Variants in CECR2 observed in about 807,000 individuals in gnomAD.
The protein encoded by CECR2 is CECR2 histone acetyl-lysine reader.
In CECR2, 30 loss-of-function variants were observed where a neutral mutation model predicts 154.5. The observed-to-expected ratio is 0.19, with a 90% CI of 0.15 to 0.26. The LOEUF (loss-of-function observed/expected upper bound fraction) is 0.26. Ranked by LOEUF, CECR2 falls within the 10% of genes least tolerant of loss-of-function variation. The probability of loss-of-function intolerance (pLI) is 1.00; values close to 1 mark genes in which losing one functional copy is unlikely to be tolerated. For missense variants in CECR2, 1,743 were observed against 1,829.3 expected, an observed-to-expected ratio of 0.95 and a Z score of 0.86; for synonymous variants, 725 against 683.7, an observed-to-expected ratio of 1.06 and a Z score of -0.94.
Position 17,548,962 on chromosome 22 carries a change from C to T in CECR2, c.3675C>T (p.Pro1225=). 1.2e-6 allele frequency: 2 copies of T among 1,613,980 alleles called. No homozygotes were observed. Among genetic ancestry groups the T allele is most frequent in the Non-Finnish European group, 1.7e-6 (2 of 1,179,904 alleles). The part of the protein sequence containing the change: ...PLHPQGSPSG[P]PASQPPPPRS... ...ATCCCCAGGGAAGCCCAAGCGGACCCCCAGCCAGTCAGCCTCCCCCACCAA... is the reference window on the plus strand; with the variant it reads ...ATCCCCAGGGAAGCCCAAGCGGACCTCCAGCCAGTCAGCCTCCCCCACCAA... Residue 1225 remains proline (P), a synonymous_variant, in exon 17 of 19, where the codon CCC becomes CCT. Transcript: ENST00000262608.
chr22:17,537,936 G>GGGGGT, intron 10 of CECR2, among the ~76,000 whole-genome samples: 2 of 151,852 alleles, frequency 1.3e-5, no homozygotes, highest in Non-Finnish European at 2.9e-5. Context: ...GGGGGTTGCA[G>GGGGGT]TGAGCTGAGA....
rs1472234437 is a variant in CECR2, at chr22:17,393,564, G to A, written c.126+23655G>A. Among the ~76,000 whole-genome samples the A allele has an allele frequency of 7.9e-5, 12 of 152,220 alleles. No individual in the cohort carries two copies. The East Asian group carries it at 1.7e-3, about 22-fold the overall frequency. On this transcript the variant is annotated intron_variant, in intron 1 of 18. Transcript: ENST00000262608. Reference sequence around the variant, plus strand: ...TGGAATTGGTGGGTCATACAGTAACGAGGCTTCACCTGTGAACTGCCTGGT... The same window carrying A: ...TGGAATTGGTGGGTCATACAGTAACAAGGCTTCACCTGTGAACTGCCTGGT...
chr22:17,549,708 G>A, intron 17 of CECR2, 144 bp downstream of exon 17: 1 of 671,016 alleles, frequency 1.5e-6, no homozygotes, highest in Non-Finnish European at 2.5e-6. Flanking sequence ...GACCTCCCAG[G>A]CTCAAGGATC....
chr22:17,454,416 T>C (rs2054821205), intron 1 of CECR2, among the ~76,000 whole-genome samples: 1 of 150,866 alleles, frequency 6.6e-6, no homozygotes, highest in East Asian at 2.0e-4. Flanking sequence ...CCATCCTGGC[T>C]AACACAGTGA....
chr22:17,368,378 G>A (rs2063014944), upstream of CECR2, among the ~76,000 whole-genome samples: 1 of 152,168 alleles, frequency 6.6e-6, no homozygotes, highest in Non-Finnish European at 1.5e-5. Flanking sequence ...TATCTGAAAG[G>A]TGGACCACCG....
intron 16 of CECR2, among the ~76,000 whole-genome samples, chr22:17,547,354 C>T (rs560762822): frequency 1.3e-5 from 2 of 151,874 alleles, no homozygotes; most frequent in African/African-American, 2.4e-5. Context: ...CTCAGCCTCC[C>T]GAATAGCTGG....
chr22:17,538,763 T>A, intron 12 of CECR2, 32 bp downstream of exon 12: 1 of 1,535,972 alleles, frequency 6.5e-7, no homozygotes, highest in South Asian at 1.1e-5. Context: ...ATGCCTACTA[T>A]AGTGTGTATA....
At chr22:17,512,573 G>T (rs939254969) in intron 8 of CECR2, among the ~76,000 whole-genome samples, 1 of 151,488 alleles carries the variant, frequency 6.6e-6, no homozygotes, top group Non-Finnish European at 1.5e-5. Flanking sequence ...TGTGGTGGCG[G>T]GCACCTGTAA....
intron 1 of CECR2, among the ~76,000 whole-genome samples, chr22:17,409,162 C>T (rs2054031180): frequency 1.3e-5 from 2 of 151,280 alleles, no homozygotes; most frequent in Non-Finnish European, 2.9e-5. Context: ...GAGACGGAGT[C>T]TCACTCTGTC....
intron 1 of CECR2, among the ~76,000 whole-genome samples, chr22:17,402,752 TTC>T: frequency 1.5e-5 from 2 of 130,462 alleles, no homozygotes; most frequent in Admixed American, 8.4e-5. Flanking sequence ...CTTTCTTTTC[TTC>T]TTTTTTTTTT....
At chr22:17,458,595 A>T (rs755925492) in intron 1 of CECR2, among the ~76,000 whole-genome samples, 8 of 152,070 alleles carry the variant, frequency 5.3e-5, no homozygotes, top group Admixed American at 2.0e-4. Flanking sequence ...GGATTTCCGT[A>T]TACAGTGTTT....
intron 9 of CECR2, among the ~76,000 whole-genome samples, chr22:17,533,291 C>G (rs2056387205): frequency 6.7e-6 from 1 of 148,952 alleles, no homozygotes; most frequent in Admixed American, 6.7e-5. Flanking sequence ...CCGCAGCACT[C>G]CAGCCTGAGC....
chr22:17,527,973 C>T (rs956406957), intron 9 of CECR2, among the ~76,000 whole-genome samples: 2 of 152,070 alleles, frequency 1.3e-5, no homozygotes, highest in African/African-American at 4.8e-5. Context: ...ATAAATTAGT[C>T]CCCCGCTATG....
intron 1 of CECR2, among the ~76,000 whole-genome samples, chr22:17,382,275 A>ACTG (rs2063207430): frequency 6.6e-6 from 1 of 152,162 alleles, no homozygotes; most frequent in Non-Finnish European, 1.5e-5. Flanking sequence ...AGCCTTGAAG[A>ACTG]CTGGCCTCAC....
At chr22:17,467,611 G>A (rs1470525238) in intron 1 of CECR2, among the ~76,000 whole-genome samples, 10 of 152,006 alleles carry the variant, frequency 6.6e-5, no homozygotes, top group Admixed American at 3.3e-4. Flanking sequence ...GTGAAACCCC[G>A]TCTCTACTAA....
intron 1 of CECR2, among the ~76,000 whole-genome samples, chr22:17,474,766 T>C (rs2055181802): frequency 6.6e-6 from 1 of 152,206 alleles, no homozygotes; most frequent in Non-Finnish European, 1.5e-5. Context: ...CGGCAAACTT[T>C]ATGCAGTCAC....
At position 17,396,257 on chromosome 22, in the gene CECR2, A is replaced by AAAC. The variant is rs556795999; in HGVS notation, c.126+26351_126+26353dup. Among the ~76,000 whole-genome samples, 103 of 138,646 alleles carry AAAC rather than the reference A, an allele frequency of 7.4e-4. 1 individual carries two copies. The South Asian group carries it at 0.023, about 31-fold the overall frequency. 91.0% of individuals were successfully genotyped at this position (138,646 alleles called of 152,430 possible). On this transcript the variant is annotated intron_variant, in intron 1 of 18. Transcript: ENST00000262608. ...GACCCTTTCTCAAAAAAAAAAAAAA[A>AAAC]AACAAGGCCAGGCGCTGTGGCTCAC...
chr22:17,418,426 TAGC>T (rs1283328219), intron 1 of CECR2, among the ~76,000 whole-genome samples: 1 of 152,218 alleles, frequency 6.6e-6, no homozygotes, highest in Non-Finnish European at 1.5e-5. Flanking sequence ...GGAACTGTAG[TAGC>T]CCCACAGGTA....
intron 1 of CECR2, among the ~76,000 whole-genome samples, chr22:17,414,178 TAGCC>T (rs1371544817): frequency 9.2e-5 from 14 of 151,562 alleles, no homozygotes; most frequent in Non-Finnish European, 1.5e-4. Context: ...TTCACTGTGT[TAGCC>T]AGGATGGTCT....
Sources: gnomAD v4.1 joint callset for allele counts (sites outside exome capture counted in the v4.1 genomes callset) on GRCh38, gnomAD v4.1.1 for gene constraint, MANE v1.5 for transcripts, NCBI Gene and HGNC (gene_info 2026-07-23, HGNC 2026-07-21) for gene names.